The following SPRED2 variants were observed in gnomAD, a reference collection of about 807,000 sequenced individuals.
SPRED2 encodes the protein sprouty related EVH1 domain containing 2, also known as sprouty-related, EVH1 domain-containing protein 2.
Under a neutral mutation model 43.0 loss-of-function variants are expected in SPRED2, and 47 were observed. The observed-to-expected ratio is 1.09, with a 90% CI of 0.87 to 1.40. The LOEUF is 1.40. Among genes scored for constraint, SPRED2 ranks in the 40% most tolerant of loss-of-function variants. The pLI is 0.00. For synonymous variants in SPRED2, 225 were observed against 225.7 expected, an observed-to-expected ratio of 1.00 and a Z score of 0.03; for missense variants, 561 against 586.4, an observed-to-expected ratio of 0.96 and a Z score of 0.45.
intron 2 of SPRED2, among the ~76,000 whole-genome samples, chr2:65,335,482 A>G (rs2104220729): frequency 6.6e-6 from 1 of 152,346 alleles, no homozygotes; most frequent in African/African-American, 2.4e-5. Flanking sequence ...TTTTATCTCT[A>G]AGATGGAAAG....
chr2:65,405,225 C>T (rs1376582950), intron 1 of SPRED2, among the ~76,000 whole-genome samples: 1 of 152,166 alleles, frequency 6.6e-6, no homozygotes, highest in African/African-American at 2.4e-5. Flanking sequence ...GACTTAATGA[C>T]CTTCTTATGG....
At chr2:65,321,896 C>T (rs1296741469) in intron 4 of SPRED2, among the ~76,000 whole-genome samples, 1 of 152,070 alleles carries the variant, frequency 6.6e-6, no homozygotes, top group Non-Finnish European at 1.5e-5. Flanking sequence ...CCTCAGCCTC[C>T]CGAGTGGCTG....
At chr2:65,397,780 G>A (rs903948640) in intron 1 of SPRED2, among the ~76,000 whole-genome samples, 1 of 152,060 alleles carries the variant, frequency 6.6e-6, no homozygotes, top group African/African-American at 2.4e-5. Context: ...ACATGGATGA[G>A]TAGAATCGAT....
chr2:65,412,850 C>T (rs1262463079), intron 1 of SPRED2, among the ~76,000 whole-genome samples: 4 of 152,160 alleles, frequency 2.6e-5, no homozygotes, highest in Admixed American at 2.6e-4. Context: ...AAGTTTCCTC[C>T]CATGTCCTCA....
chr2:65,341,912 A>G (rs1338950293), intron 2 of SPRED2, among the ~76,000 whole-genome samples: 2 of 152,030 alleles, frequency 1.3e-5, no homozygotes, highest in Non-Finnish European at 2.9e-5. Flanking sequence ...AAAAATTTCT[A>G]TATATATAAA....
chr2:65,339,099 G>GC (rs1674094054), intron 2 of SPRED2, among the ~76,000 whole-genome samples: 1 of 76,558 alleles, frequency 1.3e-5, no homozygotes, highest in Non-Finnish European at 2.6e-5. Context: ...AGGGAGGTTG[G>GC]GCGGGGGGTC....
chr2:65,334,663 AG>A lies in SPRED2; in HGVS notation c.314del (p.Pro105LeufsTer11), dbSNP rs764200121. 6.2e-7 allele frequency: 1 copy of A among 1,614,226 alleles called. No homozygotes were observed. The highest frequency in any genetic ancestry group is 8.5e-7 in the Non-Finnish European group (1 of 1,180,046). The part of the protein sequence containing the change: ...NRKFGLTFQS[P>X]ADARAFDRGV... ...CCCTGTCAAAGGCTCGGGCATCAGC[AG>A]GGCTTTGGAAAGTAAGTCCAAACTT... On this transcript the variant is annotated frameshift_variant, in exon 3 of 6. Coordinates refer to ENST00000356388, the MANE Select transcript of SPRED2 (RefSeq NM_181784.3). LOFTEE classifies it high-confidence loss of function.
At position 65,311,250 on chromosome 2, in the gene SPRED2, G is replaced by T. The variant is rs192755992; in HGVS notation, c.*2251C>A. On this transcript the variant is annotated 3_prime_UTR_variant, in exon 6 of 6. Transcript: ENST00000356388. ...ACTACACACTGTTCAGCTGCAGTGT[G>T]GCAATTAGAGACGTATTTACATAAA... 2,190 of 985,864 alleles carry T rather than the reference G, an allele frequency of 2.2e-3. 18 individuals are homozygous for T. The highest frequency in any genetic ancestry group is 2.1e-3 in the Non-Finnish European group (1,719 of 829,938). The allele number at this position is 985,864 out of a possible 1,614,324, so 61.1% of individuals were successfully genotyped here. A position where few individuals can be genotyped will look rare whatever the true frequency, so the allele number is the denominator to read the frequency against.
rs1472262084 is a variant in SPRED2, at chr2:65,424,862, G to T, written c.26+7100C>A. On this transcript the variant is annotated intron_variant, in intron 1 of 5. Coordinates refer to ENST00000356388, the MANE Select transcript of SPRED2 (RefSeq NM_181784.3). The stretch of plus-strand genomic sequence containing the variant: ...AGCTACTCAGGAGGCCAAGGCAGAA[G>T]GATCACTTGGAATACTCCAGCCTGG... Among the ~76,000 whole-genome samples the T allele has an allele frequency of 3.9e-5, 6 of 152,208 alleles. No individual in the cohort carries two copies. The South Asian group carries it at 6.2e-4, about 16-fold the overall frequency.
At chr2:65,360,813 G>T (rs1477432016) in intron 1 of SPRED2, among the ~76,000 whole-genome samples, 1 of 152,152 alleles carries the variant, frequency 6.6e-6, no homozygotes, top group Admixed American at 6.5e-5. Flanking sequence ...GATGATATAC[G>T]CTATGTTATG....
chr2:65,322,294 A>ATATATATTT (rs1350932295), intron 4 of SPRED2, among the ~76,000 whole-genome samples: 1 of 64,930 alleles, frequency 1.5e-5, no homozygotes, highest in African/African-American at 7.1e-5. Flanking sequence ...ATATATATAT[A>ATATATATTT]TTTTTTTTTT....
At chr2:65,409,215 G>A (rs1188661185) in intron 1 of SPRED2, among the ~76,000 whole-genome samples, 1 of 152,160 alleles carries the variant, frequency 6.6e-6, no homozygotes, top group Non-Finnish European at 1.5e-5. Context: ...AGTCTAAGAG[G>A]TACTGTCTAA....
At chr2:65,422,112 T>A (rs372484503) in intron 1 of SPRED2, among the ~76,000 whole-genome samples, 20,624 of 89,592 alleles carry the variant, frequency 0.23, 1,525 homozygotes, top group African/African-American at 0.29. Context: ...ACACTCTCTC[T>A]CTCTCTCTCT....
At chr2:65,389,883 G>A (rs1340484056) in intron 1 of SPRED2, among the ~76,000 whole-genome samples, 1 of 152,166 alleles carries the variant, frequency 6.6e-6, no homozygotes, top group Non-Finnish European at 1.5e-5. Flanking sequence ...TTTAAAAAAT[G>A]GAAAGTAAAG....
chr2:65,364,573 T>G (rs1428561719), intron 1 of SPRED2, among the ~76,000 whole-genome samples: 1 of 152,240 alleles, frequency 6.6e-6, no homozygotes, highest in Non-Finnish European at 1.5e-5. Flanking sequence ...CCAATTTCAA[T>G]GGTCAGTATA....
intron 1 of SPRED2, among the ~76,000 whole-genome samples, chr2:65,358,147 A>G (rs894849374): frequency 5.9e-5 from 9 of 152,224 alleles, no homozygotes; most frequent in African/African-American, 2.2e-4. Flanking sequence ...ACCTGAAACC[A>G]TGACAGACTA....
At chr2:65,336,881 G>A (rs1673981309) in intron 2 of SPRED2, among the ~76,000 whole-genome samples, 1 of 152,180 alleles carries the variant, frequency 6.6e-6, no homozygotes, top group South Asian at 2.1e-4. Context: ...GGCCGAGGCG[G>A]GCGGATCATG....
In SPRED2 at chr2:65,313,349, G is replaced by T; in HGVS notation, c.*152C>A. On this transcript the variant is annotated 3_prime_UTR_variant, in exon 6 of 6. Transcript: ENST00000356388. The stretch of plus-strand genomic sequence containing the variant: ...GGAGAGTCTACCCGGCAGCGTCCCT[G>T]GCTGGAATGGTGCCTCGAGGTACCA... 6.7e-7 allele frequency: 1 copy of T among 1,485,470 alleles called. No individual in the cohort carries two copies. The highest frequency in any genetic ancestry group is 8.9e-7 in the Non-Finnish European group (1 of 1,127,232). The allele number at this position is 1,485,470 out of a possible 1,614,324, so 92.0% of individuals were successfully genotyped here.
chr2:65,418,616 C>T (rs10166100), intron 1 of SPRED2, among the ~76,000 whole-genome samples: 68,009 of 151,528 alleles, frequency 0.45, 16,270 homozygotes, highest in African/African-American at 0.62. Flanking sequence ...CATACTGGCA[C>T]GACCTTGGCT....
Sources: allele counts gnomAD v4.1 joint callset (sites outside exome capture counted in the v4.1 genomes callset), GRCh38; gene constraint gnomAD v4.1.1; transcripts MANE v1.5; gene names NCBI Gene and HGNC (gene_info 2026-07-23, HGNC 2026-07-21).